Variants in ADCYAP1R1 observed in about 807,000 individuals in gnomAD.
ADCYAP1R1 encodes pituitary adenylate cyclase-activating polypeptide type I receptor.
In ADCYAP1R1, 44 loss-of-function variants were observed where a neutral mutation model predicts 67.6. The observed-to-expected ratio is 0.65, with a 90% CI of 0.51 to 0.84. The LOEUF is 0.84. ADCYAP1R1 is among the 40% of genes least tolerant of loss of function. The probability of loss-of-function intolerance (pLI) is 0.00; values close to 1 mark genes in which losing one functional copy is unlikely to be tolerated. For synonymous variants in ADCYAP1R1, 222 were observed against 219.6 expected (o/e 1.01, Z -0.10); for missense variants, 477 against 587.9 (o/e 0.81, Z 1.95).
At chr7:31,087,493 G>T in intron 11 of ADCYAP1R1, 134 bp from the exon 12 acceptor site, 1 of 758,898 alleles carries the variant, frequency 1.3e-6, no homozygotes. Flanking sequence ...GAGAGCTCTT[G>T]TTCCAGCCAG....
chr7:31,092,787 C>T, intron 13 of ADCYAP1R1, 52 bp downstream of exon 13: 1 of 1,424,780 alleles, frequency 7.0e-7, no homozygotes, highest in South Asian at 1.2e-5. Flanking sequence ...CGAGCGGGCC[C>T]TGCATTCAGG....
At position 31,086,670 on chromosome 7, in the gene ADCYAP1R1, C is replaced by A; in HGVS notation, c.823+133C>A. The A allele has an allele frequency of 8.8e-7, 1 of 1,137,632 alleles. No individual in the cohort carries two copies. The highest frequency in any genetic ancestry group is 1.3e-6 in the Non-Finnish European group (1 of 799,624). 70.5% of individuals were successfully genotyped at this position (1,137,632 alleles called of 1,614,324 possible). A position where few individuals can be genotyped will look rare whatever the true frequency, so the allele number is the denominator to read the frequency against. On this transcript the variant is annotated intron_variant, in intron 10 of 15. Coordinates refer to ENST00000304166, the MANE Select transcript of ADCYAP1R1 (RefSeq NM_001118.5). The surrounding 1 kb of genome is among the most constrained non-coding windows in gnomAD (Gnocchi z 5.0). Reference sequence around the variant, plus strand: ...CCCTGCCCGAGTCTAATGGCCTAGGCTCTGTCTTGGACTCTTTCTCAATCT... The same window carrying A: ...CCCTGCCCGAGTCTAATGGCCTAGGATCTGTCTTGGACTCTTTCTCAATCT...
chr7:31,068,678 G>T (rs1279101516), intron 3 of ADCYAP1R1, among the ~76,000 whole-genome samples: 1 of 152,182 alleles, frequency 6.6e-6, no homozygotes, highest in Non-Finnish European at 1.5e-5. Context: ...GAAGGAGAGG[G>T]GCAGGCCAGG....
chr7:31,104,922 C>T lies in ADCYAP1R1; in HGVS notation c.1218+13C>T, dbSNP rs770360831. 5.0e-6 allele frequency: 8 copies of T among 1,614,084 alleles called. No homozygotes were observed. The South Asian group carries it at 8.8e-5, about 18-fold the overall frequency. On this transcript the variant is annotated intron_variant, in intron 15 of 15. Coordinates refer to ENST00000304166, the MANE Select transcript of ADCYAP1R1 (RefSeq NM_001118.5). ...TCTGAATGGTGAGGTAAGACCTTGG[C>T]CCTCTGGCTTCTTGGCAGTGGAAGT...
At position 31,089,639 on chromosome 7, in the gene ADCYAP1R1, C is replaced by T. The variant is rs147857829; in HGVS notation, c.954+1943C>T. 1.5e-4 allele frequency among the ~76,000 whole-genome samples: 23 copies of T among 152,146 alleles called. No individual in the cohort carries two copies. The East Asian group carries it at 2.9e-3, about 19-fold the overall frequency. Reference sequence around the variant, plus strand: ...AATCTCAAGAGTGGAATTTCTGGGACGAAGGGTATGTACATTTAACATTTT... The same window carrying T: ...AATCTCAAGAGTGGAATTTCTGGGATGAAGGGTATGTACATTTAACATTTT... On this transcript the variant is annotated intron_variant, in intron 12 of 15. Transcript: ENST00000304166.
At chr7:31,105,387 T>C (rs377072383) in intron 15 of ADCYAP1R1, among the ~76,000 whole-genome samples, 49 of 152,196 alleles carry the variant, frequency 3.2e-4, no homozygotes, top group African/African-American at 1.1e-3. Context: ...AACTGTCCCC[T>C]GGTAGAAGGG....
chr7:31,087,679 G>C lies in ADCYAP1R1; in HGVS notation c.937G>C (p.Val313Leu). The C allele has an allele frequency of 1.2e-6, 2 of 1,613,990 alleles. No individual in the cohort carries two copies. Among genetic ancestry groups the C allele is most frequent in the South Asian group, 1.1e-5 (1 of 91,026 alleles). The change falls in exon 12 of 16, where the codon GTG (valine) becomes CTG (leucine). Residue 313 changes from valine to leucine, a missense_variant. Transcript: ENST00000304166. ...TCTGTGGTGGGTGATCAAAGGCCCT[G>C]TGGTTGGCTCTATCATGGTGAGTGT... ...TALWWVIKGP[V>L]VGSIMVNFVL...
rs533854275 is a variant in ADCYAP1R1, at chr7:31,093,300, G to C, written c.1046+565G>C. 1.2e-4 allele frequency among the ~76,000 whole-genome samples: 19 copies of C among 152,260 alleles called. 1 individual carries two copies. The South Asian group carries it at 3.7e-3, about 30-fold the overall frequency. ...CTATTTCTTCAACTCCTTCCTTTCT[G>C]ATGAACATCTAATTGGTTGGGGATT... On this transcript the variant is annotated intron_variant, in intron 13 of 15. Transcript: ENST00000304166.
chr7:31,096,272 G>T (rs967095298), intron 13 of ADCYAP1R1, among the ~76,000 whole-genome samples: 4 of 152,144 alleles, frequency 2.6e-5, no homozygotes, highest in African/African-American at 9.7e-5. Flanking sequence ...TACTCCCATG[G>T]GGTCTCCTTG....
At chr7:31,087,497 C>T (rs1454650879) in intron 11 of ADCYAP1R1, 130 bp from the exon 12 acceptor site, 7 of 778,456 alleles carry the variant, frequency 9.0e-6, no homozygotes, top group Non-Finnish European at 1.3e-5. Flanking sequence ...GCTCTTGTTC[C>T]AGCCAGCCCC....
Position 31,104,950 on chromosome 7 carries a change from G to A in ADCYAP1R1, c.1218+41G>A, listed in dbSNP as rs750263169. On this transcript the variant is annotated intron_variant, in intron 15 of 15. Coordinates refer to ENST00000304166, the MANE Select transcript of ADCYAP1R1 (RefSeq NM_001118.5). ...TCTGGCTTCTTGGCAGTGGAAGTGGGGCTTTCTGGGGAGCAGACAGGGGAA... is the reference window on the plus strand; with the variant it reads ...TCTGGCTTCTTGGCAGTGGAAGTGGAGCTTTCTGGGGAGCAGACAGGGGAA... 4.4e-6 allele frequency: 7 copies of A among 1,606,666 alleles called. No individual in the cohort carries two copies. The Middle Eastern group carries it at 5.0e-4, about 114-fold the overall frequency.
chr7:31,080,540 G>C (rs1271035509), intron 4 of ADCYAP1R1, 73 bp from the exon 5 acceptor site: 8 of 1,492,666 alleles, frequency 5.4e-6, no homozygotes, highest in Non-Finnish European at 7.4e-6. Context: ...GACCCAAGGA[G>C]AGCAGCCCCT....
intron 1 of ADCYAP1R1, among the ~76,000 whole-genome samples, chr7:31,055,454 C>T (rs1684252770): frequency 1.3e-5 from 2 of 152,146 alleles, no homozygotes; most frequent in Admixed American, 1.3e-4. Flanking sequence ...CCATATACAA[C>T]TACTTAATTC....
intron 2 of ADCYAP1R1, among the ~76,000 whole-genome samples, chr7:31,063,756 C>T (rs571364110): frequency 1.1e-4 from 17 of 152,248 alleles, no homozygotes; most frequent in African/African-American, 3.9e-4. Context: ...GTTTTGGTCC[C>T]GCCACTCTAC....
At chr7:31,071,994 T>TCCAG (rs1301830787) in intron 3 of ADCYAP1R1, among the ~76,000 whole-genome samples, 1 of 131,314 alleles carries the variant, frequency 7.6e-6, no homozygotes, top group Non-Finnish European at 1.6e-5. Flanking sequence ...CATCCATCCA[T>TCCAG]CCATCCAGCC....
rs533023939 is a variant in ADCYAP1R1, at chr7:31,085,503, G to A, written c.669+61G>A. On this transcript the variant is annotated intron_variant, in intron 9 of 15. Coordinates refer to ENST00000304166, the MANE Select transcript of ADCYAP1R1 (RefSeq NM_001118.5). ...GGGAAGGTCCCGCACCATCCCCTTG[G>A]TTCCCCAGGACGCACATTACCTGCC... is the stretch of plus-strand genomic sequence containing the variant. 99 of 1,550,456 alleles carry A rather than the reference G, an allele frequency of 6.4e-5. No homozygotes were observed. In the African/African-American group the frequency reaches 9.8e-4, roughly 15 times the overall value.
At chr7:31,077,041 G>A (rs1795262202) in intron 3 of ADCYAP1R1, among the ~76,000 whole-genome samples, 1 of 152,164 alleles carries the variant, frequency 6.6e-6, no homozygotes, top group Non-Finnish European at 1.5e-5. Flanking sequence ...AACAGGTGAG[G>A]GCTCCCTCCT....
Position 31,103,316 on chromosome 7 carries a change from G to T in ADCYAP1R1, c.1126G>T (p.Val376Phe). The change falls in exon 14 of 16, where the codon GTC becomes TTC. Residue 376 changes from valine (V) to phenylalanine (F), a missense_variant. Physicochemically the swap from Val to Phe is conservative, Grantham distance 50 (BLOSUM62 -1). Coordinates refer to ENST00000304166, the MANE Select transcript of ADCYAP1R1 (RefSeq NM_001118.5). ...AGTATTTGCCTTCTCCCCAGAGAAT[G>T]TCAGCAAAAGGGAAAGACTCGTGTT... ...YTVFAFSPEN[V>F]SKRERLVFEL... is the part of the protein sequence containing the mutation. 6.2e-7 allele frequency: 1 copy of T among 1,614,228 alleles called. No homozygotes were observed.
intron 3 of ADCYAP1R1, 116 bp from the exon 4 acceptor site, chr7:31,077,875 G>A (rs1041914805): frequency 3.3e-6 from 2 of 605,562 alleles, no homozygotes; most frequent in African/African-American, 3.8e-5. Context: ...GTATGTTGCT[G>A]TGTGTGGTGT....
Sources: allele counts gnomAD v4.1 joint callset (sites outside exome capture counted in the v4.1 genomes callset), GRCh38; gene constraint gnomAD v4.1.1; non-coding constraint Gnocchi (gnomAD v3.1); transcripts MANE v1.5; gene names NCBI Gene and HGNC (gene_info 2026-07-23, HGNC 2026-07-21).